ZNF140: variants seen among roughly 807,000 people sequenced by gnomAD.
The protein encoded by ZNF140 is zinc finger protein 140, also known as zinc finger protein 140 (clone pHZ-39).
ZNF140 carries 13 observed loss-of-function variants against 12.9 expected under a neutral mutation model. The observed-to-expected ratio is 1.01, with a 90% CI of 0.66 to 1.60. ZNF140 has a LOEUF of 1.60. Among genes scored for constraint, ZNF140 ranks in the 40% most tolerant of loss-of-function variants. The pLI, the probability that ZNF140 is intolerant of heterozygous loss-of-function variation, is 0.00. For synonymous variants in ZNF140, 214 were observed against 186.7 expected, an observed-to-expected ratio of 1.15 and a Z score of -1.19; for missense variants, 531 against 548.8, an observed-to-expected ratio of 0.97 and a Z score of 0.32.
intron 4 of ZNF140, among the ~76,000 whole-genome samples, chr12:133,084,405 G>A (rs1354531556): frequency 6.6e-6 from 1 of 152,136 alleles, no homozygotes; most frequent in Non-Finnish European, 1.5e-5. Context: ...TCTATTAAGT[G>A]CTACAGAGAC....
At chr12:133,105,456 A>C in intron 4 of ZNF140, 54 bp from the exon 5 acceptor site, 1 of 1,480,242 alleles carries the variant, frequency 6.8e-7, no homozygotes, top group Non-Finnish European at 9.0e-7. Flanking sequence ...AAATGGCCTT[A>C]TTTTATTCAA....
chr12:133,082,988 A>G, intron 2 of ZNF140, 115 bp from the exon 3 acceptor site: 1 of 1,485,006 alleles, frequency 6.7e-7, no homozygotes, highest in Non-Finnish European at 9.1e-7. Context: ...GAAAACTCTC[A>G]CTGTTACTAC....
intron 2 of ZNF140, 79 bp downstream of exon 2, chr12:133,081,408 C>T (rs1954498226): frequency 8.8e-6 from 2 of 227,260 alleles, no homozygotes; most frequent in Non-Finnish European, 1.6e-5. Flanking sequence ...GACAGGGTCT[C>T]CTCCTGTCGC....
chr12:133,106,679 T>C lies in ZNF140; in HGVS notation c.*28T>C. On this transcript the variant is annotated 3_prime_UTR_variant, in exon 5 of 5. Coordinates refer to ENST00000355557, the MANE Select transcript of ZNF140 (RefSeq NM_003440.4). Reference sequence around the variant, plus strand: ...TTACACTGCAAAGAAAAACTATGAATGTATGGAATTTTTTAAAAAGAAGTA... The same window carrying C: ...TTACACTGCAAAGAAAAACTATGAACGTATGGAATTTTTTAAAAAGAAGTA... The C allele has an allele frequency of 6.6e-7, 1 of 1,512,996 alleles. No individual in the cohort carries two copies. The highest frequency in any genetic ancestry group is 8.8e-7 in the Non-Finnish European group (1 of 1,136,480). 93.7% of individuals were successfully genotyped at this position (1,512,996 alleles called of 1,614,324 possible).
chr12:133,106,718 C>A lies in ZNF140; in HGVS notation c.*67C>A. 2 of 1,378,666 alleles carry A rather than the reference C, an allele frequency of 1.5e-6. No individual in the cohort carries two copies. The highest frequency in any genetic ancestry group is 1.9e-6 in the Non-Finnish European group (2 of 1,027,508). 85.4% of individuals were successfully genotyped at this position (1,378,666 alleles called of 1,614,324 possible). A position where few individuals can be genotyped will look rare whatever the true frequency, so the allele number is the denominator to read the frequency against. ...TAAAAAGAAGTATAATGCCTTACTT[C>A]AGAGAACTCTTGGAAAGAAGCCTTA... On this transcript the variant is annotated 3_prime_UTR_variant, in exon 5 of 5. Coordinates refer to ENST00000355557, the MANE Select transcript of ZNF140 (RefSeq NM_003440.4).
intron 4 of ZNF140, among the ~76,000 whole-genome samples, chr12:133,092,503 T>C (rs959824270): frequency 4.0e-5 from 6 of 151,270 alleles, no homozygotes; most frequent in Non-Finnish European, 7.4e-5. Flanking sequence ...TAGTGTAATA[T>C]GGCTTGTGAT....
chr12:133,085,682 A>T (rs937444741), intron 4 of ZNF140, among the ~76,000 whole-genome samples: 1 of 152,290 alleles, frequency 6.6e-6, no homozygotes, highest in East Asian at 1.9e-4. Context: ...ATATAGAAAG[A>T]TTTATAATGT....
intron 4 of ZNF140, among the ~76,000 whole-genome samples, chr12:133,098,330 G>A (rs1406238229): frequency 7.2e-5 from 11 of 152,006 alleles, no homozygotes; most frequent in African/African-American, 1.7e-4. Context: ...TCCACCTCCC[G>A]AGTTCAACAG....
rs1182283924 is a variant in ZNF140 at position 133,106,112 on chromosome 12, G to A, written c.835G>A (p.Gly279Ser). ...GAAACAATATATATGTAGGAAATGT[G>A]GTAAAGCATTTAGCAGTGGCTCAGA... ...GKKQYICRKCGKAFSSGSELI... is the reference protein window; with the variant it reads ...GKKQYICRKCSKAFSSGSELI... Residue 279 changes from glycine (G) to serine (S), a missense_variant, in exon 5 of 5, where the codon GGT becomes AGT. Coordinates refer to ENST00000355557, the MANE Select transcript of ZNF140 (RefSeq NM_003440.4). 5 of 1,613,970 alleles carry A rather than the reference G, an allele frequency of 3.1e-6. No individual in the cohort carries two copies. Among genetic ancestry groups the A allele is most frequent in the Non-Finnish European group, 4.2e-6 (5 of 1,180,016 alleles).
Position 133,081,365 on chromosome 12 carries a change from ATATAT to A in ZNF140, c.9+37_9+41del, listed in dbSNP as rs1268158041. The A allele has an allele frequency of 7.7e-4, 205 of 266,652 alleles. 15 individuals carry two copies. Among genetic ancestry groups the A allele is most frequent in the South Asian group, 1.1e-3 (15 of 13,626 alleles). The allele number at this position is 266,652 out of a possible 1,614,324, so 16.5% of individuals were successfully genotyped here. ...GATTGATAAATATATATATATATAT[ATATAT>A]AAATTTTTATTTTTTTTTTAAGAGA... On this transcript the variant is annotated intron_variant, in intron 2 of 4. Transcript: ENST00000355557.
In ZNF140 at chr12:133,106,383, A is replaced by AT. The variant is rs1955598321; in HGVS notation, c.1107dup (p.Ala370CysfsTer20). The AT allele has an allele frequency of 2.5e-6, 4 of 1,614,036 alleles. No individual in the cohort carries two copies. The highest frequency in any genetic ancestry group is 1.7e-5 in the Admixed American group (1 of 59,996). ...GAATGTGGTAAAGTTTTCACTTGGC[A>AT]TGCATCCCTTATTCAACATACGAAG... On this transcript the variant is annotated frameshift_variant, in exon 5 of 5. Coordinates refer to ENST00000355557, the MANE Select transcript of ZNF140 (RefSeq NM_003440.4). LOFTEE classifies it low-confidence loss of function (END_TRUNC).
intron 4 of ZNF140, among the ~76,000 whole-genome samples, chr12:133,101,508 G>A (rs953402221): frequency 3.3e-5 from 5 of 152,224 alleles, no homozygotes; most frequent in East Asian, 1.9e-4. Context: ...GCAGTGGCGC[G>A]ATCTCAGCTT....
chr12:133,106,250 A>C lies in ZNF140; in HGVS notation c.973A>C (p.Thr325Pro). Residue 325 changes from threonine (T) to proline (P), a missense_variant, in exon 5 of 5, where the codon ACC (threonine) becomes CCC (proline). Transcript: ENST00000355557. ...HLTRHQSIHT[T>P]KTPYECNECR... ...TACTCGACATCAGAGCATCCATACA[A>C]CCAAAACCCCGTATGAATGTAATGA... The C allele has an allele frequency of 6.2e-7, 1 of 1,614,168 alleles. No homozygotes were observed. Among genetic ancestry groups the C allele is most frequent in the Non-Finnish European group, 8.5e-7 (1 of 1,180,028 alleles).
intron 4 of ZNF140, among the ~76,000 whole-genome samples, chr12:133,092,417 A>G (rs969830538): frequency 2.6e-5 from 4 of 151,286 alleles, no homozygotes; most frequent in Non-Finnish European, 2.9e-5. Context: ...TTTAATAACT[A>G]TGTTTCCTAC....
chr12:133,081,825 A>G (rs1213494817), intron 2 of ZNF140: 1 of 240,634 alleles, frequency 4.2e-6, no homozygotes, highest in Non-Finnish European at 8.5e-6. Flanking sequence ...CTGAACCTCT[A>G]CTTTCAGTGG....
chr12:133,096,139 C>G (rs747223649), intron 4 of ZNF140, among the ~76,000 whole-genome samples: 12 of 150,664 alleles, frequency 8.0e-5, no homozygotes, highest in South Asian at 2.1e-4. Context: ...GACAATACCC[C>G]GCTTCCAAGG....
Position 133,106,892 on chromosome 12 carries a change from T to C in ZNF140, c.*241T>C, listed in dbSNP as rs546551392. On this transcript the variant is annotated 3_prime_UTR_variant, in exon 5 of 5. Transcript: ENST00000355557. ...GGTGAAATCAATATTGTTGAGAAGATTCTTCCATCTGGTAATGTTGAGAAG... is the reference window on the plus strand; with the variant it reads ...GGTGAAATCAATATTGTTGAGAAGACTCTTCCATCTGGTAATGTTGAGAAG... 3.6e-5 allele frequency: 12 copies of C among 335,226 alleles called. No homozygotes were observed. Among genetic ancestry groups the C allele is most frequent in the Non-Finnish European group, 6.5e-5 (12 of 184,068 alleles). The allele number at this position is 335,226 out of a possible 1,614,324, so 20.8% of individuals were successfully genotyped here. A position where few individuals can be genotyped will look rare whatever the true frequency, so the allele number is the denominator to read the frequency against.
chr12:133,083,605 C>G, intron 4 of ZNF140, 44 bp downstream of exon 4: 1 of 1,528,338 alleles, frequency 6.5e-7, no homozygotes, highest in Non-Finnish European at 9.0e-7. Flanking sequence ...TAAAACCACT[C>G]AATTAGTCAA....
At chr12:133,096,770 A>T (rs1359741001) in intron 4 of ZNF140, among the ~76,000 whole-genome samples, 2 of 152,188 alleles carry the variant, frequency 1.3e-5, no homozygotes, top group Non-Finnish European at 2.9e-5. Context: ...ATTTGTTAAG[A>T]TGTGTGTTAT....
Sources: allele counts gnomAD v4.1 joint callset (sites outside exome capture counted in the v4.1 genomes callset), GRCh38; gene constraint gnomAD v4.1.1; transcripts MANE v1.5; gene names NCBI Gene and HGNC (gene_info 2026-07-23, HGNC 2026-07-21).